Variants in CSMD2 observed in about 807,000 individuals in gnomAD.
The protein encoded by CSMD2 is CUB and sushi domain-containing protein 2.
A neutral mutation model predicts 398.5 loss-of-function variants in CSMD2; 130 were observed. The ratio of observed to expected loss-of-function variants is 0.33; its 90% CI spans 0.28 to 0.38. CSMD2 has a LOEUF of 0.38. CSMD2 is among the 10% of genes least tolerant of loss of function. CSMD2 has a pLI of 1.00. For synonymous variants in CSMD2, 1,828 were observed against 1,908.5 expected, an observed-to-expected ratio of 0.96 and a Z score of 1.10; for missense variants, 3,829 against 4,764.9, an observed-to-expected ratio of 0.80 and a Z score of 5.78.
At chr1:33,936,048 G>A (rs1367391780) in intron 3 of CSMD2, 94 bp from the exon 4 acceptor site, 5 of 1,035,550 alleles carry the variant, frequency 4.8e-6, no homozygotes, top group Non-Finnish European at 5.6e-6. Flanking sequence ...TAGGCCACTC[G>A]GGCTTCCTGG....
chr1:34,045,222 G>A (rs549751174), intron 2 of CSMD2, among the ~76,000 whole-genome samples: 2 of 152,178 alleles, frequency 1.3e-5, no homozygotes, highest in South Asian at 4.1e-4. Context: ...CATCTTGTGG[G>A]CTGGGGTTCT....
At chr1:33,536,264 C>T (rs577686116) in intron 62 of CSMD2, among the ~76,000 whole-genome samples, 1 of 152,304 alleles carries the variant, frequency 6.6e-6, no homozygotes, top group Non-Finnish European at 1.5e-5. Context: ...CGCTCTGTTG[C>T]CCAGGCTGGA....
Position 33,540,513 on chromosome 1 carries a change from T to G in CSMD2, c.9631+12A>C, listed in dbSNP as rs1486746551. On this transcript the variant is annotated intron_variant, in intron 60 of 70. Transcript: ENST00000373381. ...GAAGAGGATGCACCAAAGGCCCTTG[T>G]AAGCAACTTACGGAAACACTGAGGC... 6.2e-7 allele frequency: 1 copy of G among 1,613,854 alleles called. No individual in the cohort carries two copies. Among genetic ancestry groups the G allele is most frequent in the Non-Finnish European group, 8.5e-7 (1 of 1,179,920 alleles).
chr1:33,916,439 G>A (rs1281061223), intron 5 of CSMD2, among the ~76,000 whole-genome samples: 2 of 152,154 alleles, frequency 1.3e-5, no homozygotes, highest in African/African-American at 2.4e-5. Context: ...AGATCATCAG[G>A]ATTCCAGTTG....
upstream of CSMD2, chr1:34,165,634 G>A (rs536052830): frequency 4.5e-6 from 4 of 884,996 alleles, no homozygotes; most frequent in South Asian, 4.5e-5. Context: ...AGAGACACAC[G>A]CACTCACACA....
intron 55 of CSMD2, among the ~76,000 whole-genome samples, chr1:33,553,163 TG>T (rs1271316080): frequency 1.4e-5 from 2 of 146,098 alleles, no homozygotes; most frequent in Non-Finnish European, 3.1e-5. Context: ...TTACAGATGT[TG>T]TTTTTTTTAC....
rs185983465 is a variant in CSMD2, at chr1:33,776,964, G to T, written c.1664-4213C>A. Among the ~76,000 whole-genome samples, 360 of 152,270 alleles carry T rather than the reference G, an allele frequency of 2.4e-3. 3 individuals are homozygous for T. Among genetic ancestry groups the T allele is most frequent in the African/African-American group, 7.9e-3 (327 of 41,556 alleles). ...CCAGGGTGAAGTACACTGAAAGGAA[G>T]TGAGAAGGTCAAGGCCTGAGAGGCA... is the stretch of plus-strand genomic sequence containing the variant. On this transcript the variant is annotated intron_variant, in intron 12 of 70. Transcript: ENST00000373381.
At chr1:33,595,747 G>C (rs1251187302) in intron 44 of CSMD2, among the ~76,000 whole-genome samples, 3 of 152,112 alleles carry the variant, frequency 2.0e-5, no homozygotes, top group Non-Finnish European at 4.4e-5. Flanking sequence ...AGATATTCCT[G>C]GCTTGTCTTC....
intron 21 of CSMD2, among the ~76,000 whole-genome samples, chr1:33,712,050 C>A (rs960691647): frequency 2.6e-5 from 4 of 152,186 alleles, no homozygotes; most frequent in Non-Finnish European, 4.4e-5. Flanking sequence ...TCCAGAGAAA[C>A]AAACAGTCAC....
chr1:33,698,762 T>C lies in CSMD2; in HGVS notation c.3916A>G (p.Thr1306Ala). 1 of 1,612,346 alleles carries C rather than the reference T, an allele frequency of 6.2e-7. No homozygotes were observed. Among genetic ancestry groups the C allele is most frequent in the East Asian group, 2.2e-5 (1 of 44,856 alleles). The change falls in exon 24 of 71, where the codon ACC becomes GCC. Residue 1306 changes from threonine to alanine, a missense_variant. Around this residue, in one of 5 missense-constraint regions of CSMD2, gnomAD observed 2,001 missense variants for 2,567.1 expected, o/e 0.78. Coordinates refer to ENST00000373381, the MANE Select transcript of CSMD2 (RefSeq NM_001281956.2). The stretch of plus-strand genomic sequence containing the variant: ...GGAAGAGCCCTCCTACCGACACAGG[T>C]GGGCAGAGGCCGGTCCCAGGTCCGG... ...ERRTWDRPLP[T>A]CVAECGGTVR... is the part of the protein sequence containing the mutation.
At chr1:33,545,714 T>G (rs1393555835) in intron 57 of CSMD2, among the ~76,000 whole-genome samples, 1 of 152,188 alleles carries the variant, frequency 6.6e-6, no homozygotes, top group African/African-American at 2.4e-5. Flanking sequence ...TCCGTCTTGG[T>G]CACCATTGTG....
At chr1:34,158,719 C>T (rs1287029171) in intron 1 of CSMD2, among the ~76,000 whole-genome samples, 1 of 152,128 alleles carries the variant, frequency 6.6e-6, no homozygotes, top group Non-Finnish European at 1.5e-5. Flanking sequence ...ACAATGGGCC[C>T]AGCACTGTAA....
At chr1:33,618,677 G>T (rs1480196159) in intron 37 of CSMD2, among the ~76,000 whole-genome samples, 1 of 151,908 alleles carries the variant, frequency 6.6e-6, no homozygotes, top group Non-Finnish European at 1.5e-5. Flanking sequence ...CTTCCCAAGA[G>T]AAGTGCTCAC....
At position 33,599,484 on chromosome 1, in the gene CSMD2, T is replaced by C. The variant is rs181111142; in HGVS notation, c.6856+1381A>G. On this transcript the variant is annotated intron_variant, in intron 44 of 70. Transcript: ENST00000373381. ...TTTCATTTAACTTTAGGAGGTTAGG[T>C]ACTTATATGATTCCTATTTTGTGCA... 5 of 152,370 alleles carry C rather than the reference T, an allele frequency of 3.3e-5. No homozygotes were observed. In the East Asian group the frequency reaches 9.6e-4, roughly 29 times the overall value. 9.4% of individuals were successfully genotyped at this position (152,370 alleles called of 1,614,324 possible).
chr1:33,922,175 G>T (rs1643964276), intron 4 of CSMD2, among the ~76,000 whole-genome samples: 1 of 152,154 alleles, frequency 6.6e-6, no homozygotes, highest in African/African-American at 2.4e-5. Context: ...ATGGGCCTGG[G>T]ATCCCAGAGA....
chr1:33,953,040 C>G (rs74069872), intron 3 of CSMD2, among the ~76,000 whole-genome samples: 2 of 152,230 alleles, frequency 1.3e-5, no homozygotes, highest in Non-Finnish European at 1.5e-5. Flanking sequence ...AAAATTCCAT[C>G]TTCCCTTCTT....
chr1:33,700,373 G>T, intron 23 of CSMD2, 144 bp downstream of exon 23: 2 of 778,778 alleles, frequency 2.6e-6, no homozygotes, highest in Non-Finnish European at 2.1e-6. Context: ...GTTTACCCAT[G>T]CATCCACTGA....
intron 44 of CSMD2, among the ~76,000 whole-genome samples, chr1:33,587,452 T>C (rs562216243): frequency 6.6e-6 from 1 of 152,262 alleles, no homozygotes; most frequent in South Asian, 2.1e-4. Flanking sequence ...GCCTCGTGGA[T>C]ATTAGGCGTT....
intron 6 of CSMD2, 64 bp downstream of exon 6, chr1:33,846,820 G>T: frequency 9.8e-7 from 1 of 1,025,168 alleles, no homozygotes; most frequent in Non-Finnish European, 1.4e-6. Context: ...GAGAGGTGAT[G>T]AGCCCTCCAG....
Sources: gnomAD v4.1 joint callset for allele counts (sites outside exome capture counted in the v4.1 genomes callset) on GRCh38, gnomAD v4.1.1 for gene constraint, gnomAD v4.1.1 regional missense constraint, MANE v1.5 for transcripts, NCBI Gene and HGNC (gene_info 2026-07-23, HGNC 2026-07-21) for gene names.